The following HTR4 variants were observed in gnomAD, a reference collection of about 807,000 sequenced individuals.
The protein encoded by HTR4 is 5-hydroxytryptamine (serotonin) receptor 4, G protein-coupled.
HTR4 carries 16 observed loss-of-function variants against 36.8 expected under a neutral mutation model. That is an observed-to-expected ratio of 0.43 (90% CI 0.29 to 0.66). The LOEUF is 0.66. Ranked by LOEUF, HTR4 falls within the 30% of genes least tolerant of loss-of-function variation. The pLI, the probability that HTR4 is intolerant of heterozygous loss-of-function variation, is 0.13. For missense variants in HTR4, 438 were observed against 490.9 expected (o/e 0.89, Z 1.02); for synonymous variants, 189 against 185.1 (o/e 1.02, Z -0.17).
intron 2 of HTR4, among the ~76,000 whole-genome samples, chr5:148,562,829 A>G (rs1165153036): frequency 1.3e-5 from 2 of 152,132 alleles, no homozygotes; most frequent in African/African-American, 2.4e-5. Flanking sequence ...AAATCCTGAT[A>G]GCTCTAACTT....
chr5:148,515,674 G>C (rs1757711300), intron 5 of HTR4, among the ~76,000 whole-genome samples: 1 of 152,018 alleles, frequency 6.6e-6, no homozygotes, highest in South Asian at 2.1e-4. Context: ...TGCATGGTCA[G>C]CTGTAAGTCT....
At chr5:148,551,663 CT>C (rs1759699081) in intron 2 of HTR4, among the ~76,000 whole-genome samples, 1 of 152,196 alleles carries the variant, frequency 6.6e-6, no homozygotes. Context: ...GGTGTCCAAT[CT>C]TTTGGCTTCC....
At chr5:148,629,588 C>T (rs1386382251) in intron 2 of HTR4, 1 of 152,254 alleles carries the variant, frequency 6.6e-6, no homozygotes, top group Non-Finnish European at 1.5e-5. Context: ...GCAAGCAAAA[C>T]AAAGTCAGGA....
At chr5:148,477,509 G>T (rs1225333283), downstream of HTR4, among the ~76,000 whole-genome samples, 1 of 152,170 alleles carries the variant, frequency 6.6e-6, no homozygotes, top group Admixed American at 6.5e-5. Context: ...CTTAGATTTG[G>T]TGGAACCTGG....
intron 4 of HTR4, among the ~76,000 whole-genome samples, chr5:148,535,056 T>TC (rs762957050): frequency 9.2e-5 from 14 of 152,086 alleles, no homozygotes; most frequent in Non-Finnish European, 1.9e-4. Flanking sequence ...AGCAAGAGTC[T>TC]ACCAATTGAC....
chr5:148,545,351 G>T (rs2094611644), intron 4 of HTR4, among the ~76,000 whole-genome samples: 1 of 152,216 alleles, frequency 6.6e-6, no homozygotes, highest in Non-Finnish European at 1.5e-5. Context: ...AATCGTGTTT[G>T]TCAAATACCT....
In HTR4 at chr5:148,486,393, G is replaced by A. The variant is rs143094575; in HGVS notation, c.1077-3100C>T. ...AGGAAGCCCCTTTCACTCCCAGCTA[G>A]AAGGTCACCTTACTAATTCAGAGAA... On this transcript the variant is annotated intron_variant, in intron 6 of 6. Coordinates refer to ENST00000377888, the MANE Select transcript of HTR4 (RefSeq NM_000870.7). Among the ~76,000 whole-genome samples the A allele has an allele frequency of 2.5e-3, 374 of 152,244 alleles. 5 individuals carry two copies. The highest frequency in any genetic ancestry group is 0.01 in the Middle Eastern group (3 of 294).
intron 6 of HTR4, among the ~76,000 whole-genome samples, chr5:148,502,939 G>A (rs992318923): frequency 7.9e-5 from 12 of 152,172 alleles, no homozygotes; most frequent in Non-Finnish European, 1.5e-4. Flanking sequence ...GAGAAGTTTA[G>A]AGACAAAGAG....
At chr5:148,505,479 C>A (rs1757149105) in intron 6 of HTR4, among the ~76,000 whole-genome samples, 1 of 152,176 alleles carries the variant, frequency 6.6e-6, no homozygotes, top group Non-Finnish European at 1.5e-5. Context: ...GGAATGCCCT[C>A]TCTCACCACT....
intron 2 of HTR4, among the ~76,000 whole-genome samples, chr5:148,590,912 T>C (rs1761538662): frequency 6.6e-6 from 1 of 152,196 alleles, no homozygotes; most frequent in Admixed American, 6.5e-5. Flanking sequence ...CCTGTTCCTA[T>C]GTCCAGGACG....
At chr5:148,624,500 G>A (rs1433086156) in intron 2 of HTR4, among the ~76,000 whole-genome samples, 2 of 152,196 alleles carry the variant, frequency 1.3e-5, no homozygotes, top group Admixed American at 6.5e-5. Flanking sequence ...GGATGGTGGT[G>A]AGGGTGGCAG....
chr5:148,490,482 G>T, intron 6 of HTR4: 1 of 673,048 alleles, frequency 1.5e-6, no homozygotes, highest in Non-Finnish European at 1.8e-6. Flanking sequence ...TGTTACACTG[G>T]CTGAAATAGA....
At chr5:148,452,892 G>A (rs1207466464) in intron 5 of HTR4, among the ~76,000 whole-genome samples, 1 of 152,236 alleles carries the variant, frequency 6.6e-6, no homozygotes, top group Non-Finnish European at 1.5e-5. Flanking sequence ...CAAGACCTTA[G>A]GGAAGCTAGA....
chr5:148,534,366 C>T (rs1246453788), intron 4 of HTR4, among the ~76,000 whole-genome samples: 1 of 152,164 alleles, frequency 6.6e-6, no homozygotes, highest in Non-Finnish European at 1.5e-5. Flanking sequence ...GGAGCAGGCC[C>T]CCAGCATACT....
chr5:148,531,892 T>C (rs1315367930), intron 4 of HTR4, among the ~76,000 whole-genome samples: 1 of 152,204 alleles, frequency 6.6e-6, no homozygotes. Flanking sequence ...CCAGGGGACA[T>C]TTGACAATGT....
chr5:148,567,478 C>T (rs1455440096), intron 2 of HTR4, among the ~76,000 whole-genome samples: 1 of 152,120 alleles, frequency 6.6e-6, no homozygotes, highest in African/African-American at 2.4e-5. Flanking sequence ...TATTCAATGG[C>T]TTCCCAGCTC....
At chr5:148,543,153 T>C (rs1050785034) in intron 4 of HTR4, among the ~76,000 whole-genome samples, 25 of 152,198 alleles carry the variant, frequency 1.6e-4, no homozygotes, top group African/African-American at 5.3e-4. Flanking sequence ...CTATTTTTCT[T>C]TCCTGGTGGA....
chr5:148,603,531 G>A (rs1762066978), intron 2 of HTR4, among the ~76,000 whole-genome samples: 1 of 152,026 alleles, frequency 6.6e-6, no homozygotes, highest in Admixed American at 6.5e-5. Context: ...GTCCTAGCCA[G>A]TATGATGAGG....
intron 2 of HTR4, among the ~76,000 whole-genome samples, chr5:148,625,744 C>A (rs909720902): frequency 4.6e-5 from 7 of 152,078 alleles, no homozygotes; most frequent in Non-Finnish European, 1.0e-4. Context: ...TAACACCCAG[C>A]TAATTTTTGT....
Sources: gnomAD v4.1 joint callset for allele counts (sites outside exome capture counted in the v4.1 genomes callset) on GRCh38, gnomAD v4.1.1 for gene constraint, MANE v1.5 for transcripts, NCBI Gene and HGNC (gene_info 2026-07-23, HGNC 2026-07-21) for gene names.